Variants in LGI2 observed in about 807,000 individuals in gnomAD.
LGI2 encodes the protein leucine-rich repeat LGI family member 2.
Under a neutral mutation model 52.0 loss-of-function variants are expected in LGI2, and 30 were observed. That is an observed-to-expected ratio of 0.58 (90% CI 0.43 to 0.78). The LOEUF (loss-of-function observed/expected upper bound fraction) is 0.78. LGI2 is among the 30% of genes least tolerant of loss of function. The probability of loss-of-function intolerance (pLI) is 0.00; values close to 1 mark genes in which losing one functional copy is unlikely to be tolerated. For synonymous variants in LGI2, 270 were observed against 271.8 expected (o/e 0.99, Z 0.06); for missense variants, 573 against 692.5 (o/e 0.83, Z 1.94).
Position 25,017,631 on chromosome 4 carries a change from A to G in LGI2, c.655+358T>C, listed in dbSNP as rs915926922. On this transcript the variant is annotated intron_variant, in intron 6 of 7. Transcript: ENST00000382114. ...TTCCTAAAGCAAAAGAACAGTCTCAACCGAGTAATCTAAGCCTCCCTGCAG... is the reference window on the plus strand; with the variant it reads ...TTCCTAAAGCAAAAGAACAGTCTCAGCCGAGTAATCTAAGCCTCCCTGCAG... Among the ~76,000 whole-genome samples the G allele has an allele frequency of 7.2e-5, 11 of 151,868 alleles. No homozygotes were observed. The East Asian group carries it at 7.7e-4, about 11-fold the overall frequency.
intron 7 of LGI2, among the ~76,000 whole-genome samples, chr4:25,010,713 A>T (rs1156317484): frequency 6.6e-6 from 1 of 152,188 alleles, no homozygotes; most frequent in Non-Finnish European, 1.5e-5. Context: ...AAGAGCTGTT[A>T]TGAGCTTCCA....
intron 1 of LGI2, 126 bp downstream of exon 1, chr4:25,030,370 CA>C: frequency 9.7e-7 from 1 of 1,030,574 alleles, no homozygotes; most frequent in South Asian, 1.6e-5. Context: ...GTCCCCCACA[CA>C]AAGGCAAAGA....
At chr4:24,997,887 T>A (rs1471735496), downstream of LGI2, among the ~76,000 whole-genome samples, 1 of 152,156 alleles carries the variant, frequency 6.6e-6, no homozygotes, top group African/African-American at 2.4e-5. Context: ...CAGAACATTT[T>A]TTTTTAAGAG....
At chr4:25,023,380 A>T (rs557770324) in intron 4 of LGI2, among the ~76,000 whole-genome samples, 4 of 152,324 alleles carry the variant, frequency 2.6e-5, no homozygotes, top group Non-Finnish European at 5.9e-5. Flanking sequence ...AAAGGCTTTT[A>T]TAGGAAGAAA....
At chr4:25,022,332 C>A (rs1034349856) in intron 4 of LGI2, among the ~76,000 whole-genome samples, 3 of 152,052 alleles carry the variant, frequency 2.0e-5, no homozygotes, top group African/African-American at 7.2e-5. Flanking sequence ...AACAGCATCC[C>A]GGGCAAGGGA....
chr4:25,019,279 A>C, intron 4 of LGI2, 41 bp from the exon 5 acceptor site: 333 of 1,317,080 alleles, frequency 2.5e-4, no homozygotes, highest in Non-Finnish European at 3.4e-4. Context: ...TTATTATCTC[A>C]TGCCCTGTCA....
intron 7 of LGI2, among the ~76,000 whole-genome samples, chr4:25,011,538 G>A (rs1310622434): frequency 1.3e-5 from 2 of 151,950 alleles, no homozygotes; most frequent in African/African-American, 4.8e-5. Context: ...ACTCTTAGGA[G>A]CCTCCCAACC....
At chr4:25,022,567 T>C (rs986231179) in intron 4 of LGI2, among the ~76,000 whole-genome samples, 7 of 152,174 alleles carry the variant, frequency 4.6e-5, no homozygotes, top group African/African-American at 1.7e-4. Flanking sequence ...TGTGTTTGTG[T>C]TCTCTGTGCA....
chr4:25,007,010 T>A (rs916028973), intron 7 of LGI2, among the ~76,000 whole-genome samples: 3 of 152,284 alleles, frequency 2.0e-5, no homozygotes, highest in East Asian at 3.9e-4. Context: ...ATTCTTTTTT[T>A]AAAAAACTGG....
rs771956445 is a variant in LGI2, at chr4:25,003,862, G to A, written c.1227C>T (p.Val409=). Residue 409 remains valine, a synonymous_variant, in exon 8 of 8, where the codon GTC becomes GTT. Transcript: ENST00000382114. ...CCATGTTGGGGATGTCACCATGGGG[G>A]ACAAACTTCTTAGAGCTTTTATTCC... ...LQWNKSSKKF[V]PHGDIPNMED... 1.2e-6 allele frequency: 2 copies of A among 1,614,208 alleles called. No homozygotes were observed. The highest frequency in any genetic ancestry group is 1.1e-5 in the South Asian group (1 of 91,084).
intron 7 of LGI2, among the ~76,000 whole-genome samples, chr4:25,011,584 A>T (rs1725587766): frequency 6.6e-6 from 1 of 152,218 alleles, no homozygotes. Flanking sequence ...TTGCTACAAC[A>T]GTAAAACGCT....
intron 6 of LGI2, among the ~76,000 whole-genome samples, chr4:25,014,937 T>C (rs1725714742): frequency 6.6e-6 from 1 of 151,738 alleles, no homozygotes; most frequent in East Asian, 1.9e-4. Flanking sequence ...AATTTAAATA[T>C]CTTCTCCCAC....
chr4:25,003,304 A>C lies in LGI2; in HGVS notation c.*147T>G, dbSNP rs1172489812. 1 of 586,446 alleles carries C rather than the reference A, an allele frequency of 1.7e-6. No individual in the cohort carries two copies. Among genetic ancestry groups the C allele is most frequent in the Non-Finnish European group, 2.9e-6 (1 of 343,202 alleles). 36.3% of individuals were successfully genotyped at this position (586,446 alleles called of 1,614,324 possible). On this transcript the variant is annotated 3_prime_UTR_variant, in exon 8 of 8. Transcript: ENST00000382114. ...AAATGCAATCCCTGATTAAAATGTG[A>C]GTTCTAAAAGTTTGAAAACATCTAA...
At chr4:25,018,214 T>C in intron 5 of LGI2, 56 bp from the exon 6 acceptor site, 2 of 1,311,634 alleles carry the variant, frequency 1.5e-6, no homozygotes, top group South Asian at 3.2e-5. Context: ...GTGTCTGACA[T>C]GTTTTGGTAG....
rs1404349242 is a variant in LGI2 at position 24,999,299 on chromosome 4, TG to T, written c.*4151del. The T allele has an allele frequency of 6.6e-6, 1 of 152,574 alleles. No homozygotes were observed. The highest frequency in any genetic ancestry group is 1.5e-5 in the Non-Finnish European group (1 of 68,370). The allele number at this position is 152,574 out of a possible 1,614,324, so 9.5% of individuals were successfully genotyped here. ...ATAATTGAGATGTTGTTAATCTTCC[TG>T]GTCATTCTACCCTCTGCTTGCCTGG... On this transcript the variant is annotated 3_prime_UTR_variant, in exon 8 of 8. Transcript: ENST00000382114.
At chr4:25,023,340 T>A (rs1726036111) in intron 4 of LGI2, among the ~76,000 whole-genome samples, 1 of 152,188 alleles carries the variant, frequency 6.6e-6, no homozygotes, top group South Asian at 2.1e-4. Context: ...ATTTGGGGAT[T>A]TGACACTTAG....
chr4:24,998,745 C>T (rs1725151552), downstream of LGI2: 1 of 152,138 alleles, frequency 6.6e-6, no homozygotes, highest in African/African-American at 2.4e-5. Context: ...AGAGAGTGAG[C>T]TACAAAGATA....
rs1312723790 is a variant in LGI2 at position 25,026,866 on chromosome 4, A to ACAGG, written c.339_341+1dup. 6.2e-7 allele frequency: 1 copy of ACAGG among 1,607,840 alleles called. No homozygotes were observed. Among genetic ancestry groups the ACAGG allele is most frequent in the East Asian group, 2.2e-5 (1 of 44,848 alleles). On this transcript the variant is annotated splice_donor_variant, in intron 3 of 7. Transcript: ENST00000382114. LOFTEE classifies it high-confidence loss of function. Reference sequence around the variant, plus strand: ...AGCAAATAGACAAAGCACAAAACTTACAGGTATTCAAGATGAAAAAGTCCA... The same window carrying ACAGG: ...AGCAAATAGACAAAGCACAAAACTTACAGGCAGGTATTCAAGATGAAAAAGTCCA...
chr4:25,021,402 A>T (rs1258566888), intron 4 of LGI2, among the ~76,000 whole-genome samples: 1 of 152,186 alleles, frequency 6.6e-6, no homozygotes, highest in East Asian at 1.9e-4. Flanking sequence ...TTTCCTATGC[A>T]TGTGAGTCTG....
Sources: gnomAD v4.1 joint callset for allele counts (sites outside exome capture counted in the v4.1 genomes callset) on GRCh38, gnomAD v4.1.1 for gene constraint, MANE v1.5 for transcripts, NCBI Gene and HGNC (gene_info 2026-07-23, HGNC 2026-07-21) for gene names.